Variants in NALF1 observed in about 807,000 individuals in gnomAD.
The protein encoded by NALF1 is NALCN channel auxiliary factor 1.
In NALF1, 3 loss-of-function variants were observed where a neutral mutation model predicts 48.4. That is an observed-to-expected ratio of 0.06 (90% confidence interval 0.03 to 0.16). The LOEUF (loss-of-function observed/expected upper bound fraction) is 0.16. Ranked by LOEUF, NALF1 falls within the 10% of genes least tolerant of loss-of-function variation. The pLI is 1.00. For missense variants in NALF1, 526 were observed against 571.5 expected, an observed-to-expected ratio of 0.92 and a Z score of 0.81; for synonymous variants, 262 against 245.7, an observed-to-expected ratio of 1.07 and a Z score of -0.62.
intron 1 of NALF1, among the ~76,000 whole-genome samples, chr13:107,824,002 T>C (rs760663486): frequency 3.1e-4 from 47 of 151,768 alleles, no homozygotes; most frequent in Non-Finnish European, 2.9e-4. Flanking sequence ...ATTATTATTA[T>C]TATTGGTCCC....
intron 2 of NALF1, among the ~76,000 whole-genome samples, chr13:107,206,124 T>A (rs151317403): frequency 6.6e-6 from 1 of 152,162 alleles, no homozygotes; most frequent in Non-Finnish European, 1.5e-5. Flanking sequence ...TTAAATGACA[T>A]GTTTCACCCT....
rs139981200 is a variant in NALF1, at chr13:107,693,420, A to G, written c.915+172262T>C. Among the ~76,000 whole-genome samples the G allele has an allele frequency of 4.6e-5, 7 of 152,216 alleles. No individual in the cohort carries two copies. In the South Asian group the frequency reaches 8.3e-4, roughly 18 times the overall value. Reference sequence around the variant, plus strand: ...ACACCAACATGGCGCATGTATACTTATGTAACAAACCTGCATGTTGTGCAT... The same window carrying G: ...ACACCAACATGGCGCATGTATACTTGTGTAACAAACCTGCATGTTGTGCAT... On this transcript the variant is annotated intron_variant, in intron 1 of 2. Coordinates refer to ENST00000375915, the MANE Select transcript of NALF1 (RefSeq NM_001080396.3).
chr13:107,397,342 T>A (rs1249922301), intron 1 of NALF1, among the ~76,000 whole-genome samples: 1 of 152,152 alleles, frequency 6.6e-6, no homozygotes, highest in Non-Finnish European at 1.5e-5. Context: ...CAACCTTTGT[T>A]CTGTGTGTTC....
intron 1 of NALF1, among the ~76,000 whole-genome samples, chr13:107,461,972 T>C (rs759986677): frequency 6.6e-6 from 1 of 152,202 alleles, no homozygotes; most frequent in Non-Finnish European, 1.5e-5. Context: ...AAAAAGGCAG[T>C]AGGTTATTCA....
At chr13:107,567,317 C>G (rs9559063) in intron 1 of NALF1, among the ~76,000 whole-genome samples, 2 of 152,030 alleles carry the variant, frequency 1.3e-5, no homozygotes, top group Non-Finnish European at 2.9e-5. Context: ...CAATTTATGA[C>G]GATCTCATCT....
Position 107,163,776 on chromosome 13 carries a change from A to G in NALF1, c.*6721T>C, listed in dbSNP as rs1878605715. The G allele has an allele frequency of 6.6e-6, 1 of 152,194 alleles. No individual in the cohort carries two copies. The highest frequency in any genetic ancestry group is 1.5e-5 in the Non-Finnish European group (1 of 68,026). 9.4% of individuals were successfully genotyped at this position (152,194 alleles called of 1,614,324 possible). A position where few individuals can be genotyped will look rare whatever the true frequency, so the allele number is the denominator to read the frequency against. On this transcript the variant is annotated 3_prime_UTR_variant, in exon 3 of 3. Transcript: ENST00000375915. ...TCCTACTTTTAATATGCCACACAAC[A>G]TCAACAAATCTAAGAAAAATAGAAA...
At chr13:107,727,200 AGCTT>A (rs1412061041) in intron 1 of NALF1, among the ~76,000 whole-genome samples, 2 of 152,178 alleles carry the variant, frequency 1.3e-5, no homozygotes, top group African/African-American at 4.8e-5. Flanking sequence ...CCCAAGGCAC[AGCTT>A]GCCATGAAAA....
At chr13:107,699,283 G>A (rs1566448202) in intron 1 of NALF1, among the ~76,000 whole-genome samples, 4 of 152,018 alleles carry the variant, frequency 2.6e-5, no homozygotes. Context: ...AAAAAAGAGA[G>A]ACACTACTTG....
intron 1 of NALF1, among the ~76,000 whole-genome samples, chr13:107,443,169 A>ATTCT (rs1555301322): frequency 1.6e-5 from 2 of 128,312 alleles, no homozygotes; most frequent in Non-Finnish European, 3.7e-5. Flanking sequence ...TTTATCTAAC[A>ATTCT]ATCTATCTAT....
At chr13:107,768,946 T>A (rs1350764635) in intron 1 of NALF1, among the ~76,000 whole-genome samples, 1 of 152,020 alleles carries the variant, frequency 6.6e-6, no homozygotes, top group Non-Finnish European at 1.5e-5. Flanking sequence ...AAAATGCTCA[T>A]CATCACTGGC....
chr13:107,467,961 T>C (rs375432433), intron 1 of NALF1, among the ~76,000 whole-genome samples: 3 of 147,718 alleles, frequency 2.0e-5, no homozygotes, highest in African/African-American at 2.5e-5. Flanking sequence ...GGCAGGAGAA[T>C]GGCGTGAACC....
chr13:107,303,603 T>C (rs1160960464), intron 1 of NALF1, among the ~76,000 whole-genome samples: 3 of 152,160 alleles, frequency 2.0e-5, no homozygotes, highest in Non-Finnish European at 2.9e-5. Flanking sequence ...CACCATCCCC[T>C]GTTTTCATTA....
At chr13:107,358,324 G>A (rs1340955322) in intron 1 of NALF1, among the ~76,000 whole-genome samples, 1 of 152,120 alleles carries the variant, frequency 6.6e-6, no homozygotes, top group Non-Finnish European at 1.5e-5. Flanking sequence ...CTTAGGCTCT[G>A]CAGTTGCCAA....
chr13:107,264,473 G>A (rs1476927593), intron 1 of NALF1, among the ~76,000 whole-genome samples: 1 of 152,144 alleles, frequency 6.6e-6, no homozygotes, highest in African/African-American at 2.4e-5. Flanking sequence ...GGAGGAATGT[G>A]TCTTTCTTTT....
At chr13:107,274,714 G>T (rs1881245232) in intron 1 of NALF1, among the ~76,000 whole-genome samples, 1 of 152,180 alleles carries the variant, frequency 6.6e-6, no homozygotes, top group South Asian at 2.1e-4. Context: ...AGTTTTTAGA[G>T]TTGGGAGTGG....
At chr13:107,655,070 T>TC (rs1444972825) in intron 1 of NALF1, among the ~76,000 whole-genome samples, 2 of 151,886 alleles carry the variant, frequency 1.3e-5, no homozygotes, top group African/African-American at 4.8e-5. Flanking sequence ...TTGAAATCAC[T>TC]CCCCCTAAGA....
intron 1 of NALF1, among the ~76,000 whole-genome samples, chr13:107,737,636 C>T (rs1410197538): frequency 6.6e-6 from 1 of 152,118 alleles, no homozygotes; most frequent in Non-Finnish European, 1.5e-5. Flanking sequence ...TTTTACGTAG[C>T]TTCATTGCAT....
intron 1 of NALF1, among the ~76,000 whole-genome samples, chr13:107,357,673 A>T (rs1378547107): frequency 1.3e-5 from 2 of 152,186 alleles, no homozygotes; most frequent in Admixed American, 1.3e-4. Flanking sequence ...CAAGAGAAGG[A>T]TCCCTTTTCT....
chr13:107,720,303 T>C (rs1469642489), intron 1 of NALF1, among the ~76,000 whole-genome samples: 1 of 152,012 alleles, frequency 6.6e-6, no homozygotes, highest in Non-Finnish European at 1.5e-5. Context: ...TGAGGTCAGG[T>C]GCTCGAGACC....
Sources: allele counts gnomAD v4.1 joint callset (sites outside exome capture counted in the v4.1 genomes callset), GRCh38; gene constraint gnomAD v4.1.1; transcripts MANE v1.5; gene names NCBI Gene and HGNC (gene_info 2026-07-23, HGNC 2026-07-21).